ANKRD30B: variants seen among roughly 807,000 people sequenced by gnomAD.
The protein encoded by ANKRD30B is ankyrin repeat domain 30B.
A neutral mutation model predicts 202.2 loss-of-function variants in ANKRD30B; 144 were observed. The observed-to-expected ratio is 0.71, with a 90% CI of 0.62 to 0.82. The LOEUF (loss-of-function observed/expected upper bound fraction) is 0.82. Among genes scored for constraint, ANKRD30B ranks in the 40% least tolerant of loss-of-function variants. ANKRD30B has a pLI of 0.00. For synonymous variants in ANKRD30B, 508 were observed against 561.3 expected, an observed-to-expected ratio of 0.91 and a Z score of 1.34; for missense variants, 1,487 against 1,669.1, an observed-to-expected ratio of 0.89 and a Z score of 1.90.
chr18:14,885,868 TATC>T, the ANKRD30B span, among the ~76,000 whole-genome samples: 2 of 151,992 alleles, frequency 1.3e-5, no homozygotes, highest in South Asian at 2.1e-4. Context: ...TTACTTTTGT[TATC>T]ATTTCATATT....
chr18:14,811,162 A>G (rs1568037945), intron 28 of ANKRD30B, among the ~76,000 whole-genome samples: 1 of 151,544 alleles, frequency 6.6e-6, no homozygotes. Context: ...GGTTCTGACT[A>G]TGTGTAGAAT....
chr18:14,909,107 C>T, the ANKRD30B span, among the ~76,000 whole-genome samples: 1 of 152,150 alleles, frequency 6.6e-6, no homozygotes, highest in Non-Finnish European at 1.5e-5. Flanking sequence ...CTGCCAAAGC[C>T]ATCAGGAGGG....
chr18:14,882,940 G>A, the ANKRD30B span, among the ~76,000 whole-genome samples: 4 of 152,224 alleles, frequency 2.6e-5, 1 homozygote, highest in South Asian at 8.3e-4. Context: ...CTCGCTTTTG[G>A]TGTCCATTTG....
intron 30 of ANKRD30B, 79 bp from the exon 31 acceptor site, chr18:14,822,404 C>T (rs1204499224): frequency 8.9e-6 from 8 of 893,888 alleles, no homozygotes; most frequent in Non-Finnish European, 1.4e-5. Context: ...GATTCATCTT[C>T]ATATTCACAC....
the ANKRD30B span, among the ~76,000 whole-genome samples, chr18:14,929,415 A>C: frequency 2.6e-5 from 4 of 152,116 alleles, no homozygotes; most frequent in Non-Finnish European, 5.9e-5. Context: ...TGTTCATAGG[A>C]GGTCTTCCCC....
chr18:14,756,416 C>T (rs1260250090), intron 4 of ANKRD30B, among the ~76,000 whole-genome samples: 1 of 152,048 alleles, frequency 6.6e-6, no homozygotes, highest in Admixed American at 6.6e-5. Flanking sequence ...TAATTAGATC[C>T]CATTTGTCAA....
chr18:14,882,594 A>T, the ANKRD30B span, among the ~76,000 whole-genome samples: 6 of 152,062 alleles, frequency 3.9e-5, no homozygotes, highest in Admixed American at 2.0e-4. Context: ...TGTTGGATGA[A>T]ATGTTCTGTA....
At chr18:14,831,167 G>A (rs568537026) in intron 33 of ANKRD30B, among the ~76,000 whole-genome samples, 3 of 92,514 alleles carry the variant, frequency 3.2e-5, no homozygotes, top group African/African-American at 1.4e-4. Context: ...GCGACAGAGC[G>A]AGACTCCGTC....
chr18:14,809,147 G>A (rs531497627), intron 26 of ANKRD30B, among the ~76,000 whole-genome samples: 1 of 147,972 alleles, frequency 6.8e-6, no homozygotes, highest in South Asian at 2.2e-4. Flanking sequence ...TGAGGGTGGG[G>A]GTGGGTTAAT....
chr18:14,749,691 AAAAAAAAAAAATCACAG>A (rs1913106367), intron 1 of ANKRD30B, among the ~76,000 whole-genome samples: 1 of 150,432 alleles, frequency 6.6e-6, no homozygotes, highest in South Asian at 2.1e-4. Flanking sequence ...AAAAAAAAAA[AAAAAAAAAAAATCACAG>A]ATTGTTTGCT....
chr18:14,876,963 TTC>T, the ANKRD30B span, among the ~76,000 whole-genome samples: 1 of 152,162 alleles, frequency 6.6e-6, no homozygotes, highest in Non-Finnish European at 1.5e-5. Flanking sequence ...CAAGGTTGCT[TTC>T]AGATCTATGG....
intron 16 of ANKRD30B, among the ~76,000 whole-genome samples, chr18:14,794,622 G>A (rs989346540): frequency 2.0e-5 from 3 of 152,156 alleles, no homozygotes; most frequent in African/African-American, 7.2e-5. Context: ...AATCGAGGAC[G>A]ATCTTCTCAT....
In ANKRD30B at chr18:14,797,873, A is replaced by G. The variant is rs1969026364; in HGVS notation, c.2029+19A>G. The G allele has an allele frequency of 1.3e-6, 2 of 1,530,852 alleles. No individual in the cohort carries two copies. Among genetic ancestry groups the G allele is most frequent in the African/African-American group, 1.4e-5 (1 of 72,082 alleles). 94.8% of individuals were successfully genotyped at this position (1,530,852 alleles called of 1,614,324 possible). A position where few individuals can be genotyped will look rare whatever the true frequency, so the allele number is the denominator to read the frequency against. ...AAAGCAGGTACATTTTGTAATTTAA[A>G]TTTTAATCTGGAATTAAGAATATTA... On this transcript the variant is annotated intron_variant, in intron 20 of 43. Transcript: ENST00000690538.
At chr18:14,929,128 C>T in the ANKRD30B span, among the ~76,000 whole-genome samples, 1 of 152,360 alleles carries the variant, frequency 6.6e-6, no homozygotes, top group Non-Finnish European at 1.5e-5. Flanking sequence ...AGGCTTTCCA[C>T]CCTGCGTGGC....
the ANKRD30B span, among the ~76,000 whole-genome samples, chr18:14,926,481 T>TG: frequency 1.3e-5 from 2 of 152,274 alleles, no homozygotes; most frequent in Non-Finnish European, 2.9e-5. Flanking sequence ...TTCCACACAT[T>TG]GTCAAGGTGA....
At chr18:14,861,495 TTAAAC>T in the ANKRD30B span, among the ~76,000 whole-genome samples, 28 of 149,916 alleles carry the variant, frequency 1.9e-4, no homozygotes, top group Non-Finnish European at 4.4e-5. Flanking sequence ...AAAACAGACA[TTAAAC>T]TAACAACAGT....
chr18:14,837,137 G>A, intron 34 of ANKRD30B, 74 bp from the exon 35 acceptor site: 1 of 857,972 alleles, frequency 1.2e-6, no homozygotes, highest in East Asian at 2.7e-5. Context: ...CAAATTGATT[G>A]AGTGAGTGAA....
chr18:14,926,416 G>T, the ANKRD30B span, among the ~76,000 whole-genome samples: 9 of 152,142 alleles, frequency 5.9e-5, no homozygotes, highest in African/African-American at 2.2e-4. Flanking sequence ...CCTGCTTGGG[G>T]AGGACTCCCT....
chr18:14,851,300 A>G (rs1245395213), intron 41 of ANKRD30B, among the ~76,000 whole-genome samples: 5 of 146,962 alleles, frequency 3.4e-5, no homozygotes, highest in African/African-American at 1.3e-4. Context: ...TTTTACTTTC[A>G]TGAATTCGTT....
Sources: gnomAD v4.1 joint callset for allele counts (sites outside exome capture counted in the v4.1 genomes callset) on GRCh38, gnomAD v4.1.1 for gene constraint, MANE v1.5 for transcripts, NCBI Gene and HGNC (gene_info 2026-07-23, HGNC 2026-07-21) for gene names.